AKR1E2: variants seen among roughly 807,000 people sequenced by gnomAD.
AKR1E2 encodes 1,5-anhydro-D-fructose reductase.
In AKR1E2, 43 loss-of-function variants were observed where a neutral mutation model predicts 41.9. The observed-to-expected ratio is 1.03, with a 90% CI of 0.80 to 1.32. AKR1E2 has a LOEUF of 1.32. Among genes scored for constraint, AKR1E2 ranks in the 40% most tolerant of loss-of-function variants. The pLI is 0.00. For synonymous variants in AKR1E2, 121 were observed against 138.9 expected (o/e 0.87, Z 0.91); for missense variants, 423 against 396.5 (o/e 1.07, Z -0.57).
rs1832479435 is a variant in AKR1E2 at position 4,826,238 on chromosome 10, C to T, written c.-87C>T. ...AGGCACTTCCAGCCAGTCGCAACGG[C>T]GGGTCGCCAGCGCCGCAGTAGCTCG... On this transcript the variant is annotated 5_prime_UTR_variant, in exon 1 of 10. Coordinates refer to ENST00000298375, the MANE Select transcript of AKR1E2 (RefSeq NM_001040177.3). 2 of 1,098,630 alleles carry T rather than the reference C, an allele frequency of 1.8e-6. No homozygotes were observed. The highest frequency in any genetic ancestry group is 1.6e-5 in the African/African-American group (1 of 61,924). The allele number at this position is 1,098,630 out of a possible 1,614,324, so 68.1% of individuals were successfully genotyped here.
rs1485161378 is a variant in AKR1E2, at chr10:4,833,442, C to CAT, written c.302_303dup (p.His102TyrfsTer16). The CAT allele has an allele frequency of 6.2e-7, 1 of 1,614,102 alleles. No homozygotes were observed. The highest frequency in any genetic ancestry group is 2.2e-5 in the East Asian group (1 of 44,876). ...AGCTGAACTATTTGGACCTCTACCT[C>CAT]ATACACTGGCCCATGGGTTTCAAGG... On this transcript the variant is annotated frameshift_variant, in exon 3 of 10. Transcript: ENST00000298375. LOFTEE classifies it high-confidence loss of function.
downstream of AKR1E2, among the ~76,000 whole-genome samples, chr10:4,852,262 G>A (rs1022969298): frequency 1.3e-5 from 2 of 152,120 alleles, no homozygotes; most frequent in Non-Finnish European, 2.9e-5. Context: ...AAGGAGATAC[G>A]GAAACAGCAA....
chr10:4,848,429 C>T (rs1320824113), downstream of AKR1E2, among the ~76,000 whole-genome samples: 1 of 152,214 alleles, frequency 6.6e-6, no homozygotes, highest in Non-Finnish European at 1.5e-5. Flanking sequence ...GGTCCAGACG[C>T]CATGATCCCT....
At chr10:4,844,950 T>C (rs78453344) in intron 8 of AKR1E2, among the ~76,000 whole-genome samples, 5,301 of 152,196 alleles carry the variant, frequency 0.035, 149 homozygotes, top group East Asian at 0.11. Flanking sequence ...TGGGACCTGG[T>C]GCCATGGAGC....
At chr10:4,864,853 C>G in the AKR1E2 span, among the ~76,000 whole-genome samples, 1 of 152,160 alleles carries the variant, frequency 6.6e-6, no homozygotes, top group East Asian at 1.9e-4. Flanking sequence ...CGTTGAGTCC[C>G]TTGTGTGGGC....
intron 6 of AKR1E2, among the ~76,000 whole-genome samples, 157 bp from the exon 7 acceptor site, chr10:4,841,628 G>T (rs1412331553): frequency 6.6e-6 from 1 of 152,106 alleles, no homozygotes; most frequent in African/African-American, 2.4e-5. Flanking sequence ...GGAAATGTGG[G>T]GCGATGTGCT....
the AKR1E2 span, among the ~76,000 whole-genome samples, chr10:4,872,868 T>C: frequency 6.6e-6 from 1 of 152,170 alleles, no homozygotes; most frequent in African/African-American, 2.4e-5. Context: ...GTTGCATTTT[T>C]AGATAAGTGA....
chr10:4,829,096 T>A (rs1832771492), intron 1 of AKR1E2, among the ~76,000 whole-genome samples: 2 of 152,296 alleles, frequency 1.3e-5, no homozygotes, highest in South Asian at 4.1e-4. Flanking sequence ...CAGTGGCCAT[T>A]CTTGTTTTGT....
At chr10:4,832,475 T>A (rs930477170) in intron 2 of AKR1E2, among the ~76,000 whole-genome samples, 3 of 152,220 alleles carry the variant, frequency 2.0e-5, no homozygotes, top group Non-Finnish European at 4.4e-5. Flanking sequence ...TGGAGATTTC[T>A]AAGGCTCACC....
At chr10:4,863,318 A>G in the AKR1E2 span, among the ~76,000 whole-genome samples, 3 of 152,090 alleles carry the variant, frequency 2.0e-5, no homozygotes, top group Non-Finnish European at 1.5e-5. Flanking sequence ...ACTCAAAACC[A>G]CTCAACTACA....
chr10:4,865,847 C>G, the AKR1E2 span, among the ~76,000 whole-genome samples: 1 of 152,182 alleles, frequency 6.6e-6, no homozygotes, highest in Admixed American at 6.5e-5. Context: ...ACCACATGCT[C>G]AAGTTAGAGA....
At chr10:4,850,269 C>A (rs1393464080), downstream of AKR1E2, among the ~76,000 whole-genome samples, 1 of 152,220 alleles carries the variant, frequency 6.6e-6, no homozygotes, top group Admixed American at 6.5e-5. Context: ...GTGGGCATCT[C>A]TCCTGACTTT....
intron 3 of AKR1E2, 67 bp from the exon 4 acceptor site, chr10:4,835,608 C>G (rs1227382311): frequency 6.5e-7 from 1 of 1,544,654 alleles, no homozygotes; most frequent in Non-Finnish European, 8.7e-7. Context: ...TGCAGGTCTC[C>G]TGACACATGG....
downstream of AKR1E2, among the ~76,000 whole-genome samples, chr10:4,848,386 T>C (rs1000496397): frequency 2.0e-5 from 3 of 152,178 alleles, no homozygotes; most frequent in Admixed American, 2.0e-4. Context: ...CGCCCAGGCG[T>C]TGGTAGAGGG....
chr10:4,840,167 G>A (rs1833759342), intron 6 of AKR1E2, among the ~76,000 whole-genome samples: 2 of 152,076 alleles, frequency 1.3e-5, no homozygotes, highest in African/African-American at 4.8e-5. Context: ...CTCCATGGTT[G>A]GATGAGGCAA....
chr10:4,834,828 G>A (rs960204782), intron 3 of AKR1E2, among the ~76,000 whole-genome samples: 10 of 152,178 alleles, frequency 6.6e-5, no homozygotes, highest in Admixed American at 2.6e-4. Context: ...ATGCAGCATC[G>A]TCAGCATGTC....
chr10:4,841,972 A>AG, intron 7 of AKR1E2, 115 bp downstream of exon 7: 1 of 863,952 alleles, frequency 1.2e-6, no homozygotes, highest in Non-Finnish European at 1.7e-6. Flanking sequence ...AGGTGAGTCC[A>AG]TGACTCATTA....
the AKR1E2 span, among the ~76,000 whole-genome samples, chr10:4,854,453 A>G: frequency 6.6e-6 from 1 of 151,710 alleles, no homozygotes; most frequent in South Asian, 2.1e-4. Context: ...CCCTGAATTC[A>G]CTCGTGCGAG....
At chr10:4,847,255 A>C in intron 9 of AKR1E2, 25 bp downstream of exon 9, 1 of 1,613,628 alleles carries the variant, frequency 6.2e-7, no homozygotes, top group Non-Finnish European at 8.5e-7. Context: ...TTCTTTTTAA[A>C]ACAGAGGGAA....
Sources: gnomAD v4.1 joint callset for allele counts (sites outside exome capture counted in the v4.1 genomes callset) on GRCh38, gnomAD v4.1.1 for gene constraint, MANE v1.5 for transcripts, NCBI Gene and HGNC (gene_info 2026-07-23, HGNC 2026-07-21) for gene names.